The following ACTR3C variants were observed in gnomAD, a reference collection of about 807,000 sequenced individuals.
ACTR3C encodes actin related protein 3C.
A neutral mutation model predicts 26.3 loss-of-function variants in ACTR3C; 18 were observed. The observed-to-expected ratio is 0.68, with a 90% CI of 0.47 to 1.01. ACTR3C has a LOEUF of 1.01. ACTR3C is among the 50% of genes least tolerant of loss of function. The pLI, the probability that ACTR3C is intolerant of heterozygous loss-of-function variation, is 0.00. For missense variants in ACTR3C, 184 were observed against 250.7 expected, an observed-to-expected ratio of 0.73 and a Z score of 1.80; for synonymous variants, 55 against 94.5, an observed-to-expected ratio of 0.58 and a Z score of 2.42.
At chr7:150,039,696 C>G in the ACTR3C span, among the ~76,000 whole-genome samples, 6 of 124,496 alleles carry the variant, frequency 4.8e-5, no homozygotes, top group East Asian at 2.8e-4. Flanking sequence ...GGTCCTAAGC[C>G]GGGGGGGAAG....
chr7:150,191,924 G>T, the ACTR3C span, among the ~76,000 whole-genome samples: 1 of 152,098 alleles, frequency 6.6e-6, no homozygotes, highest in South Asian at 2.1e-4. Context: ...ACTGAGAATT[G>T]TCTATCACGA....
chr7:149,920,159 G>C, the ACTR3C span, among the ~76,000 whole-genome samples: 2 of 152,050 alleles, frequency 1.3e-5, no homozygotes, highest in African/African-American at 4.8e-5. Flanking sequence ...CAGTTGGCTG[G>C]GTTATATCTG....
the ACTR3C span, among the ~76,000 whole-genome samples, chr7:150,214,541 G>GA: frequency 6.6e-6 from 1 of 151,468 alleles, no homozygotes; most frequent in Non-Finnish European, 1.5e-5. Flanking sequence ...AAGTATCTTG[G>GA]AAAAATGATG....
At chr7:149,895,804 C>G in the ACTR3C span, among the ~76,000 whole-genome samples, 8 of 152,156 alleles carry the variant, frequency 5.3e-5, no homozygotes, top group African/African-American at 1.9e-4. Flanking sequence ...GCCTGAGCAA[C>G]AGAGTGAGAC....
At chr7:150,011,584 C>CA in the ACTR3C span, among the ~76,000 whole-genome samples, 1 of 151,900 alleles carries the variant, frequency 6.6e-6, no homozygotes, top group Non-Finnish European at 1.5e-5. Context: ...GACTCCATCT[C>CA]AAAAAATAAA....
chr7:150,188,941 T>A, the ACTR3C span, among the ~76,000 whole-genome samples: 1 of 146,952 alleles, frequency 6.8e-6, no homozygotes, highest in East Asian at 2.0e-4. Flanking sequence ...AATTTAGATT[T>A]ATTTTTGTAC....
At chr7:150,161,268 G>A in the ACTR3C span, among the ~76,000 whole-genome samples, 8 of 138,322 alleles carry the variant, frequency 5.8e-5, no homozygotes, top group Admixed American at 5.4e-4. Context: ...ACAACATGCA[G>A]GTTTGTTACA....
In ACTR3C at chr7:150,286,505, C is replaced by A; in HGVS notation, c.333G>T (p.Lys111Asn). 1 of 1,611,548 alleles carries A rather than the reference C, an allele frequency of 6.2e-7. No homozygotes were observed. ...KYCYICPDIVKEFAKYDVDPQ... is the reference protein window; with the variant it reads ...KYCYICPDIVNEFAKYDVDPQ... ...GATCCACATCATACTTGGCAAATTC[C>A]TTGACTATATCGGGGCAAATGTAAC... The change falls in exon 5 of 8, where the codon AAG becomes AAT. Residue 111 changes from lysine to asparagine, a missense_variant. By Grantham distance (94) the Lys-to-Asn change is moderately conservative. Coordinates refer to ENST00000683684, the MANE Select transcript of ACTR3C (RefSeq NM_001164458.2).
chr7:150,309,017 C>T (rs576309601), intron 1 of ACTR3C, among the ~76,000 whole-genome samples: 7 of 152,238 alleles, frequency 4.6e-5, no homozygotes, highest in African/African-American at 1.7e-4. Flanking sequence ...CCCAGATGAG[C>T]GGGAAAGAGT....
the ACTR3C span, among the ~76,000 whole-genome samples, chr7:149,966,990 T>C: frequency 6.8e-6 from 1 of 146,960 alleles, no homozygotes; most frequent in Non-Finnish European, 1.5e-5. Context: ...ACCTCCTGAG[T>C]AGCTGGGATT....
At chr7:149,881,818 G>C in the ACTR3C span, 1 of 152,654 alleles carries the variant, frequency 6.6e-6, no homozygotes, top group Non-Finnish European at 1.5e-5. Context: ...GTGTCACTCA[G>C]GAGGATGAGA....
chr7:150,023,240 T>G, the ACTR3C span, among the ~76,000 whole-genome samples: 2 of 44,846 alleles, frequency 4.5e-5, no homozygotes, highest in South Asian at 8.1e-4. Flanking sequence ...TATATATCTC[T>G]CTATCTCTAT....
chr7:150,103,038 C>A, the ACTR3C span, among the ~76,000 whole-genome samples: 665 of 151,918 alleles, frequency 4.4e-3, 7 homozygotes, highest in African/African-American at 0.016. Flanking sequence ...TATAAATGAA[C>A]ATTCTCAGTT....
the ACTR3C span, chr7:150,001,403 CT>C: frequency 6.6e-6 from 1 of 152,314 alleles, no homozygotes; most frequent in Non-Finnish European, 1.5e-5. Context: ...TTAATTTAGA[CT>C]TTGCCGTTCC....
the ACTR3C span, among the ~76,000 whole-genome samples, chr7:149,990,385 C>A: frequency 7.6e-6 from 1 of 132,328 alleles, no homozygotes; most frequent in African/African-American, 2.9e-5. Context: ...ATCTCCAGCA[C>A]GCAGCCCAGT....
the ACTR3C span, among the ~76,000 whole-genome samples, chr7:150,182,912 T>C: frequency 6.6e-6 from 1 of 150,634 alleles, no homozygotes; most frequent in African/African-American, 2.5e-5. Context: ...ATTCTTTATC[T>C]TTTTAACTAT....
At chr7:150,129,417 C>A in the ACTR3C span, among the ~76,000 whole-genome samples, 2 of 152,080 alleles carry the variant, frequency 1.3e-5, no homozygotes, top group African/African-American at 4.8e-5. Flanking sequence ...GAAATAAAAG[C>A]AGTAAAAATC....
At chr7:150,197,653 C>T in the ACTR3C span, among the ~76,000 whole-genome samples, 1 of 152,192 alleles carries the variant, frequency 6.6e-6, no homozygotes, top group Non-Finnish European at 1.5e-5. Flanking sequence ...TTACCCCTTT[C>T]CAGAGCTAGA....
At chr7:150,183,306 G>T in the ACTR3C span, among the ~76,000 whole-genome samples, 1 of 144,458 alleles carries the variant, frequency 6.9e-6, no homozygotes, top group Non-Finnish European at 1.5e-5. Context: ...ATATGACCAT[G>T]TTGCCACATG....
Sources: allele counts gnomAD v4.1 joint callset (sites outside exome capture counted in the v4.1 genomes callset), GRCh38; gene constraint gnomAD v4.1.1; transcripts MANE v1.5; gene names NCBI Gene and HGNC (gene_info 2026-07-23, HGNC 2026-07-21).